The following ENTPD3 variants were observed in gnomAD, a reference collection of about 807,000 sequenced individuals.
ENTPD3 encodes the protein CD39 antigen-like 3.
Under a neutral mutation model 51.2 loss-of-function variants are expected in ENTPD3, and 60 were observed. That is an observed-to-expected ratio of 1.17 (90% CI 0.95 to 1.45). ENTPD3 has a LOEUF of 1.45. Ranked by LOEUF, ENTPD3 falls within the 40% of genes most tolerant of loss-of-function variation. ENTPD3 has a pLI of 0.00. For missense variants in ENTPD3, 593 were observed against 641.1 expected, an observed-to-expected ratio of 0.93 and a Z score of 0.81; for synonymous variants, 221 against 238.4, an observed-to-expected ratio of 0.93 and a Z score of 0.67.
At chr3:40,413,642 G>A (rs1955683622) in intron 5 of ENTPD3, among the ~76,000 whole-genome samples, 1 of 152,054 alleles carries the variant, frequency 6.6e-6, no homozygotes, top group South Asian at 2.1e-4. Context: ...ATAATTAAAA[G>A]GCTCTGCAAT....
At chr3:40,387,456 C>CT (rs1030836192) in intron 1 of ENTPD3, 195 bp downstream of exon 1, 1 of 152,474 alleles carries the variant, frequency 6.6e-6, no homozygotes, top group African/African-American at 2.4e-5. Flanking sequence ...GTGGGCGCGT[C>CT]TTTACCGACA....
chr3:40,403,489 T>C (rs1955418761), intron 4 of ENTPD3, among the ~76,000 whole-genome samples: 1 of 152,112 alleles, frequency 6.6e-6, no homozygotes, highest in Non-Finnish European at 1.5e-5. Context: ...CACTCTTGGA[T>C]GTTTGCCACC....
chr3:40,422,530 C>A (rs1955900409), intron 7 of ENTPD3, among the ~76,000 whole-genome samples: 1 of 137,616 alleles, frequency 7.3e-6, no homozygotes, highest in Admixed American at 7.7e-5. Context: ...ACAACAGTCC[C>A]CAGAGTGTGA....
intron 7 of ENTPD3, among the ~76,000 whole-genome samples, chr3:40,420,578 C>A (rs1434747142): frequency 7.2e-5 from 11 of 151,842 alleles, no homozygotes; most frequent in Admixed American, 7.2e-4. Context: ...ATAGGGTGAC[C>A]CAAGTATGAT....
intron 3 of ENTPD3, 37 bp downstream of exon 3, chr3:40,392,187 G>T: frequency 6.2e-7 from 1 of 1,602,450 alleles, no homozygotes; most frequent in Non-Finnish European, 8.5e-7. Flanking sequence ...GGGAAGAAAT[G>T]AGCATAAAGG....
At chr3:40,419,524 A>C (rs1575230707) in intron 7 of ENTPD3, among the ~76,000 whole-genome samples, 2 of 152,332 alleles carry the variant, frequency 1.3e-5, no homozygotes, top group Middle Eastern at 6.8e-3. Context: ...CATTTGAAGC[A>C]GTAACAAAAA....
chr3:40,423,420 G>C lies in ENTPD3; in HGVS notation c.1215+19G>C, dbSNP rs763035413. 2.0e-6 allele frequency: 3 copies of C among 1,513,818 alleles called. No homozygotes were observed. In the Admixed American group the frequency reaches 5.1e-5, roughly 26 times the overall value. The allele number at this position is 1,513,818 out of a possible 1,614,324, so 93.8% of individuals were successfully genotyped here. A position where few individuals can be genotyped will look rare whatever the true frequency, so the allele number is the denominator to read the frequency against. ...GAGTCAGGTCAGTATTTAAAGAGAAGGGATCAATGTCAGTACAAAAAAATA... is the reference window on the plus strand; with the variant it reads ...GAGTCAGGTCAGTATTTAAAGAGAACGGATCAATGTCAGTACAAAAAAATA... On this transcript the variant is annotated intron_variant, in intron 9 of 10. Transcript: ENST00000301825.
chr3:40,415,778 C>T, intron 6 of ENTPD3, 62 bp from the exon 7 acceptor site: 1 of 1,383,102 alleles, frequency 7.2e-7, no homozygotes, highest in Non-Finnish European at 1.0e-6. Flanking sequence ...GGGTGGAGAA[C>T]TCTGGGCAAA....
chr3:40,407,985 T>A (rs1198536108), intron 4 of ENTPD3, among the ~76,000 whole-genome samples: 1 of 152,050 alleles, frequency 6.6e-6, no homozygotes, highest in Non-Finnish European at 1.5e-5. Flanking sequence ...AACTCCCAGT[T>A]TATAAAAAAC....
chr3:40,396,615 G>C (rs1311428079), intron 3 of ENTPD3, among the ~76,000 whole-genome samples: 2 of 152,110 alleles, frequency 1.3e-5, no homozygotes, highest in Non-Finnish European at 1.5e-5. Context: ...TTGTGTTACT[G>C]GTCTGACTTG....
chr3:40,422,818 A>AC lies in ENTPD3; in HGVS notation c.832-31dup, dbSNP rs575805020. On this transcript the variant is annotated intron_variant, in intron 7 of 10. Coordinates refer to ENST00000301825, the MANE Select transcript of ENTPD3 (RefSeq NM_001248.4). ...TTGTGAATAGTGCCGCAATAAACAT[A>AC]CGTGTCTAACACCTTACTCTTATAC... 3,383 of 1,577,832 alleles carry AC rather than the reference A, an allele frequency of 2.1e-3. 7 individuals carry two copies. The highest frequency in any genetic ancestry group is 2.7e-3 in the Non-Finnish European group (3,127 of 1,163,662).
intron 4 of ENTPD3, among the ~76,000 whole-genome samples, chr3:40,403,114 A>G (rs1955408384): frequency 6.6e-6 from 1 of 152,100 alleles, no homozygotes; most frequent in Non-Finnish European, 1.5e-5. Flanking sequence ...CATGGGGATC[A>G]TGGCATTGAA....
chr3:40,399,169 C>T (rs1428751733), intron 3 of ENTPD3, among the ~76,000 whole-genome samples: 2 of 152,042 alleles, frequency 1.3e-5, no homozygotes, highest in African/African-American at 2.4e-5. Flanking sequence ...TGCAGTGAGT[C>T]GTTGGTGGCA....
intron 3 of ENTPD3, among the ~76,000 whole-genome samples, chr3:40,397,018 C>T (rs1472845198): frequency 6.6e-6 from 1 of 151,964 alleles, no homozygotes; most frequent in Non-Finnish European, 1.5e-5. Flanking sequence ...AAATCATTCC[C>T]TTTTAACCCT....
rs962970259 is a variant in ENTPD3 at position 40,417,986 on chromosome 3, T to C, written c.831+1913T>C. Among the ~76,000 whole-genome samples, 68 of 152,300 alleles carry C rather than the reference T, an allele frequency of 4.5e-4. 1 individual carries two copies. Among genetic ancestry groups the C allele is most frequent in the African/African-American group, 1.6e-3 (65 of 41,574 alleles). ...TCTGTCTGCGTGCCTCTGTGTGTTT[T>C]TGTACTCATACAATGTTTACTAAAG... On this transcript the variant is annotated intron_variant, in intron 7 of 10. Coordinates refer to ENST00000301825, the MANE Select transcript of ENTPD3 (RefSeq NM_001248.4).
At chr3:40,419,465 G>C (rs541047172) in intron 7 of ENTPD3, among the ~76,000 whole-genome samples, 1 of 151,996 alleles carries the variant, frequency 6.6e-6, no homozygotes, top group African/African-American at 2.4e-5. Context: ...TGTTCTACTT[G>C]CAAAAGTCTA....
chr3:40,390,012 T>C (rs1219987558), intron 2 of ENTPD3, among the ~76,000 whole-genome samples: 2 of 152,226 alleles, frequency 1.3e-5, no homozygotes, highest in Non-Finnish European at 1.5e-5. Flanking sequence ...CATGTGGTTA[T>C]TGAACACTGG....
rs1327560824 is a variant in ENTPD3, at chr3:40,416,092, G to A, written c.831+19G>A. 1.9e-6 allele frequency: 3 copies of A among 1,589,566 alleles called. No homozygotes were observed. Among genetic ancestry groups the A allele is most frequent in the East Asian group, 2.2e-5 (1 of 44,638 alleles). On this transcript the variant is annotated intron_variant, in intron 7 of 10. Coordinates refer to ENST00000301825, the MANE Select transcript of ENTPD3 (RefSeq NM_001248.4). ...CCTGCAGGTACTTGAGTCGGGGGTA[G>A]GGGGTGGCAGGTGTTCTCTTGAGGG...
chr3:40,402,019 T>G (rs1955368768), intron 4 of ENTPD3, among the ~76,000 whole-genome samples: 1 of 152,162 alleles, frequency 6.6e-6, no homozygotes, highest in Non-Finnish European at 1.5e-5. Context: ...AATCAACATA[T>G]TTTATGCCGT....
Sources: gnomAD v4.1 joint callset for allele counts (sites outside exome capture counted in the v4.1 genomes callset) on GRCh38, gnomAD v4.1.1 for gene constraint, MANE v1.5 for transcripts, NCBI Gene and HGNC (gene_info 2026-07-23, HGNC 2026-07-21) for gene names.